The following PCDHA7 variants were observed in gnomAD, a reference collection of about 807,000 sequenced individuals.
PCDHA7 encodes protocadherin alpha 7, also known as protocadherin alpha-7.
Under a neutral mutation model 57.2 loss-of-function variants are expected in PCDHA7, and 37 were observed. The observed-to-expected ratio is 0.65, with a 90% CI of 0.50 to 0.85. PCDHA7 has a LOEUF of 0.85. Ranked by LOEUF, PCDHA7 falls within the 40% of genes least tolerant of loss-of-function variation. The pLI is 0.00. For synonymous variants in PCDHA7, 553 were observed against 558.8 expected (o/e 0.99, Z 0.15); for missense variants, 1,188 against 1,241.8 (o/e 0.96, Z 0.65).
intron 1 of PCDHA7, among the ~76,000 whole-genome samples, chr5:140,974,407 A>T (rs1441174003): frequency 6.6e-6 from 1 of 152,244 alleles, no homozygotes; most frequent in African/African-American, 2.4e-5. Flanking sequence ...TTCTAAAGTT[A>T]TGTTTATTTT....
chr5:140,899,225 A>C (rs1479429839), intron 1 of PCDHA7, among the ~76,000 whole-genome samples: 1 of 152,038 alleles, frequency 6.6e-6, no homozygotes, highest in African/African-American at 2.4e-5. Context: ...TTCCAACACT[A>C]TGTTGAATAG....
At chr5:140,841,102 G>A (rs2150311111) in intron 1 of PCDHA7, 21 of 575,248 alleles carry the variant, frequency 3.7e-5, no homozygotes, top group Non-Finnish European at 9.0e-6. Flanking sequence ...CAGATATTGC[G>A]GAAGTAATTC....
Position 140,884,307 on chromosome 5 carries a change from C to T in PCDHA7, c.2355+47569C>T, listed in dbSNP as rs144612735. 3,633 of 1,613,724 alleles carry T rather than the reference C, an allele frequency of 2.3e-3. 15 individuals are homozygous for T. The highest frequency in any genetic ancestry group is 9.6e-3 in the Middle Eastern group (58 of 6,062). Reference sequence around the variant, plus strand: ...AGCGGCCAAGCGCCACAGGCTTCGTCGAGGGCGTCGGCAGGCGCTGTGGGT... The same window carrying T: ...AGCGGCCAAGCGCCACAGGCTTCGTTGAGGGCGTCGGCAGGCGCTGTGGGT... On this transcript the variant is annotated intron_variant, in intron 1 of 3. Transcript: ENST00000525929.
intron 1 of PCDHA7, among the ~76,000 whole-genome samples, chr5:140,941,255 C>CTTTCTTTCTCTT (rs782490896): frequency 9.0e-5 from 4 of 44,506 alleles, no homozygotes; most frequent in Non-Finnish European, 1.5e-4. Flanking sequence ...TTCTTTCTTT[C>CTTTCTTTCTCTT]TCTTTCTTTC....
At chr5:140,880,281 C>T (rs2058294062) in intron 1 of PCDHA7, among the ~76,000 whole-genome samples, 2 of 152,074 alleles carry the variant, frequency 1.3e-5, no homozygotes. Flanking sequence ...AGAAGTTTGA[C>T]TATCTTCATA....
At chr5:140,969,556 C>A in intron 1 of PCDHA7, 1 of 1,210,690 alleles carries the variant, frequency 8.3e-7, no homozygotes, top group Non-Finnish European at 1.1e-6. Flanking sequence ...AAGCCTTGTC[C>A]ATAAAATTGT....
chr5:140,869,504 C>A (rs959374162), intron 1 of PCDHA7: 5 of 1,614,200 alleles, frequency 3.1e-6, no homozygotes, highest in Non-Finnish European at 4.2e-6. Flanking sequence ...CCGGTGTTCT[C>A]GCTCAGAGAA....
Position 140,836,192 on chromosome 5 carries a change from CA to C in PCDHA7, c.1811del (p.Asn604ThrfsTer34). On this transcript the variant is annotated frameshift_variant, in exon 1 of 4. Transcript: ENST00000525929. LOFTEE classifies it high-confidence loss of function. The stretch of plus-strand genomic sequence containing the variant: ...GTGCAGTTGACGCTGACTCAGGCTA[CA>C]ACGCGTGGCTTTCGTATGAGTTGCA... ...VRAVDADSGY[N>X]AWLSYELQPV... The C allele has an allele frequency of 6.2e-7, 1 of 1,613,846 alleles. No individual in the cohort carries two copies. Among genetic ancestry groups the C allele is most frequent in the Non-Finnish European group, 8.5e-7 (1 of 1,179,808 alleles).
chr5:140,969,339 A>AGTG (rs782647003), intron 1 of PCDHA7: 3 of 1,613,948 alleles, frequency 1.9e-6, no homozygotes, highest in African/African-American at 2.7e-5. Flanking sequence ...GAGGTGAGAC[A>AGTG]GTGGTCAGGG....
At chr5:140,908,726 G>A (rs1304356386) in intron 1 of PCDHA7, among the ~76,000 whole-genome samples, 3 of 152,188 alleles carry the variant, frequency 2.0e-5, no homozygotes, top group African/African-American at 4.8e-5. Flanking sequence ...TGGGTCATAT[G>A]GCTCGAGAAA....
At chr5:140,948,897 T>G (rs1487067374) in intron 1 of PCDHA7, among the ~76,000 whole-genome samples, 4 of 151,680 alleles carry the variant, frequency 2.6e-5, no homozygotes, top group Non-Finnish European at 5.9e-5. Flanking sequence ...AGATTTTAAG[T>G]GGATTCTTAG....
Position 140,835,310 on chromosome 5 carries a change from T to C in PCDHA7, c.927T>C (p.Asp309=). ...CAATCACAGTGATAGGACATATGGATTTTGAAGAAAGTAGAGCACACAAGA... is the reference window on the plus strand; with the variant it reads ...CAATCACAGTGATAGGACATATGGACTTTGAAGAAAGTAGAGCACACAAGA... ...SGAITVIGHM[D]FEESRAHKIP... Residue 309 remains aspartate, a synonymous_variant, in exon 1 of 4, where the codon GAT becomes GAC. Coordinates refer to ENST00000525929, the MANE Select transcript of PCDHA7 (RefSeq NM_018910.3). 1 of 1,613,100 alleles carries C rather than the reference T, an allele frequency of 6.2e-7. No homozygotes were observed. The highest frequency in any genetic ancestry group is 8.5e-7 in the Non-Finnish European group (1 of 1,179,652).
At chr5:140,883,208 A>C in intron 1 of PCDHA7, 3 of 1,614,034 alleles carry the variant, frequency 1.9e-6, no homozygotes, top group Non-Finnish European at 1.7e-6. Context: ...CGAAGAAAAG[A>C]AATTATATGA....
intron 1 of PCDHA7, chr5:140,863,421 C>A (rs564217392): frequency 7.2e-6 from 5 of 689,680 alleles, no homozygotes; most frequent in Admixed American, 1.9e-5. Context: ...TGTACCGCAG[C>A]GTAGTGGGAT....
intron 1 of PCDHA7, among the ~76,000 whole-genome samples, chr5:140,976,117 G>C (rs782098917): frequency 5.4e-4 from 82 of 152,208 alleles, no homozygotes; most frequent in Admixed American, 1.4e-3. Flanking sequence ...ATTTTTCCAA[G>C]TTTAATCAAG....
intron 1 of PCDHA7, chr5:140,849,878 G>T (rs558218817): frequency 6.3e-7 from 1 of 1,598,486 alleles, no homozygotes; most frequent in East Asian, 2.2e-5. Context: ...CCGAGTACAC[G>T]GTGTTCGTGA....
chr5:140,892,608 TA>T (rs1442553538), intron 1 of PCDHA7, among the ~76,000 whole-genome samples: 2 of 152,184 alleles, frequency 1.3e-5, no homozygotes, highest in African/African-American at 4.8e-5. Flanking sequence ...TTTTTCCTTT[TA>T]TTTCCAGTTG....
chr5:140,870,329 A>G, intron 1 of PCDHA7: 1 of 1,614,160 alleles, frequency 6.2e-7, no homozygotes, highest in Non-Finnish European at 8.5e-7. Context: ...TTGGTGCTGG[A>G]CAGCGCCCTG....
In PCDHA7 at chr5:140,855,474, C is replaced by T. The variant is rs997217146; in HGVS notation, c.2355+18736C>T. On this transcript the variant is annotated intron_variant, in intron 1 of 3. Transcript: ENST00000525929. Reference sequence around the variant, plus strand: ...ATAAACACCTCACAGATAGTTGATGCTTGACATTAGTGTCTAAATAAACCT... The same window carrying T: ...ATAAACACCTCACAGATAGTTGATGTTTGACATTAGTGTCTAAATAAACCT... Among the ~76,000 whole-genome samples, 3 of 149,784 alleles carry T rather than the reference C, an allele frequency of 2.0e-5. 1 individual carries two copies. Among genetic ancestry groups the T allele is most frequent in the African/African-American group, 7.3e-5 (3 of 40,830 alleles).
Sources: allele counts gnomAD v4.1 joint callset (sites outside exome capture counted in the v4.1 genomes callset), GRCh38; gene constraint gnomAD v4.1.1; transcripts MANE v1.5; gene names NCBI Gene and HGNC (gene_info 2026-07-23, HGNC 2026-07-21).